CAMTA1: variants seen among roughly 807,000 people sequenced by gnomAD.
The protein encoded by CAMTA1 is calmodulin binding transcription activator 1.
CAMTA1 carries 27 observed loss-of-function variants against 170.9 expected under a neutral mutation model. The ratio of observed to expected loss-of-function variants is 0.16; its 90% confidence interval spans 0.12 to 0.22. CAMTA1 has a LOEUF of 0.22. Among genes scored for constraint, CAMTA1 ranks in the 10% least tolerant of loss-of-function variants. The probability of loss-of-function intolerance (pLI) is 1.00; values close to 1 mark genes in which losing one functional copy is unlikely to be tolerated. For missense variants in CAMTA1, 1,619 were observed against 2,217.2 expected, an observed-to-expected ratio of 0.73 and a Z score of 5.42; for synonymous variants, 833 against 891.5, an observed-to-expected ratio of 0.93 and a Z score of 1.17.
rs1218505951 is a variant in CAMTA1 at position 7,234,239 on chromosome 1, C to T, written c.303-15252C>T. ...AAGCTTCCTCTCCAAACCTGGGCCT[C>T]GCCACGCTCTCTACCGAAAGCCCTT... On this transcript the variant is annotated intron_variant, in intron 4 of 22. Coordinates refer to ENST00000303635, the MANE Select transcript of CAMTA1 (RefSeq NM_015215.4). This position sits in a 1 kb window ranked among gnomAD's most constrained non-coding sequence, Gnocchi z 5.0. 6.6e-6 allele frequency among the ~76,000 whole-genome samples: 1 copy of T among 152,164 alleles called. No homozygotes were observed. Among genetic ancestry groups the T allele is most frequent in the Non-Finnish European group, 1.5e-5 (1 of 68,020 alleles).
At chr1:6,951,367 T>C (rs1393758603) in intron 3 of CAMTA1, among the ~76,000 whole-genome samples, 2 of 152,144 alleles carry the variant, frequency 1.3e-5, no homozygotes, top group African/African-American at 4.8e-5. Context: ...AGCTCTCTCA[T>C]CTCTAAAATT....
intron 5 of CAMTA1, among the ~76,000 whole-genome samples, chr1:7,439,079 C>T (rs890676721): frequency 2.0e-5 from 3 of 152,116 alleles, no homozygotes; most frequent in Non-Finnish European, 4.4e-5. Context: ...GGCAGGTGGT[C>T]GGTGGGGGGC....
At chr1:7,036,177 G>A (rs1247794578) in intron 3 of CAMTA1, among the ~76,000 whole-genome samples, 1 of 152,166 alleles carries the variant, frequency 6.6e-6, no homozygotes, top group East Asian at 1.9e-4. Flanking sequence ...AAAATAAATT[G>A]GAGGATATCT....
At chr1:6,938,064 G>A (rs1685760580) in intron 3 of CAMTA1, among the ~76,000 whole-genome samples, 1 of 152,214 alleles carries the variant, frequency 6.6e-6, no homozygotes, top group African/African-American at 2.4e-5. Flanking sequence ...ACAGAACTAG[G>A]ACTTGAAGCC....
chr1:6,864,777 T>A lies in CAMTA1; in HGVS notation c.234+39567T>A, dbSNP rs147731378. Among the ~76,000 whole-genome samples the A allele has an allele frequency of 4.5e-3, 684 of 152,192 alleles. 8 individuals are homozygous for A. Among genetic ancestry groups the A allele is most frequent in the African/African-American group, 0.016 (668 of 41,522 alleles). On this transcript the variant is annotated intron_variant, in intron 3 of 22. Coordinates refer to ENST00000303635, the MANE Select transcript of CAMTA1 (RefSeq NM_015215.4). ...GTCCATGGGGCACTCTTGCTGGGTG[T>A]TTCTGGAGCATGCCACACTGTACCC...
chr1:7,116,645 T>A (rs1644344079), intron 4 of CAMTA1, among the ~76,000 whole-genome samples: 1 of 139,678 alleles, frequency 7.2e-6, no homozygotes, highest in Non-Finnish European at 1.6e-5. Flanking sequence ...AGTTTTCTTT[T>A]CTTTCTTTCT....
At chr1:7,447,067 G>A (rs1387728922) in intron 5 of CAMTA1, among the ~76,000 whole-genome samples, 1 of 152,104 alleles carries the variant, frequency 6.6e-6, no homozygotes, top group Non-Finnish European at 1.5e-5. Context: ...ACTGGAGGAT[G>A]CGGCTCCCAC....
At position 7,716,040 on chromosome 1, in the gene CAMTA1, A is replaced by C. The variant is rs115868143; in HGVS notation, c.2915-16408A>C. The stretch of plus-strand genomic sequence containing the variant: ...TTATAAAATTGTTTTGCTTTGTTTT[A>C]TTTTGTTTTTGAAACAGGGTCTCAC... On this transcript the variant is annotated intron_variant, in intron 11 of 22. Coordinates refer to ENST00000303635, the MANE Select transcript of CAMTA1 (RefSeq NM_015215.4). 6.2e-3 allele frequency among the ~76,000 whole-genome samples: 947 copies of C among 152,190 alleles called. 14 individuals carry two copies. Among genetic ancestry groups the C allele is most frequent in the African/African-American group, 0.022 (902 of 41,528 alleles).
chr1:7,255,481 C>T (rs1292970201), intron 5 of CAMTA1, among the ~76,000 whole-genome samples: 2 of 152,044 alleles, frequency 1.3e-5, no homozygotes, highest in African/African-American at 4.8e-5. Context: ...GTCTTAGCCT[C>T]ATAACTTCTG....
Position 7,337,594 on chromosome 1 carries a change from C to CGGTG in CAMTA1, c.438+87968_438+87969insGGTG, listed in dbSNP as rs1433145412. Among the ~76,000 whole-genome samples the CGGTG allele has an allele frequency of 9.6e-3, 1,444 of 149,940 alleles. 144 individuals are homozygous for CGGTG. Among genetic ancestry groups the CGGTG allele is most frequent in the African/African-American group, 0.017 (669 of 40,114 alleles). On this transcript the variant is annotated intron_variant, in intron 5 of 22. Transcript: ENST00000303635. ...GGGCCTCATCCAATCACAGTGTGGG[C>CGGTG]AGTGGGCCTCATCCAATCACAATGT...
At chr1:7,090,314 G>A (rs1264602780) in intron 3 of CAMTA1, among the ~76,000 whole-genome samples, 3 of 152,244 alleles carry the variant, frequency 2.0e-5, no homozygotes, top group Non-Finnish European at 4.4e-5. Context: ...TCGCCTCCAG[G>A]CAGAGGGGCT....
At chr1:7,465,268 T>C (rs1380856351) in intron 5 of CAMTA1, among the ~76,000 whole-genome samples, 1 of 152,142 alleles carries the variant, frequency 6.6e-6, no homozygotes, top group Non-Finnish European at 1.5e-5. Flanking sequence ...ATGGGTAAAT[T>C]AACCAAATAA....
intron 3 of CAMTA1, among the ~76,000 whole-genome samples, chr1:6,982,753 G>A (rs545091475): frequency 6.6e-6 from 1 of 152,146 alleles, no homozygotes; most frequent in Admixed American, 6.5e-5. Flanking sequence ...CACTCCACAG[G>A]GATCCTCGCT....
chr1:7,579,996 T>C (rs1261799573), intron 6 of CAMTA1, among the ~76,000 whole-genome samples: 2 of 152,248 alleles, frequency 1.3e-5, no homozygotes, highest in African/African-American at 4.8e-5. Context: ...CTCCATAAAC[T>C]TGGGGCAGCT....
intron 4 of CAMTA1, among the ~76,000 whole-genome samples, chr1:7,107,528 G>C (rs192564404): frequency 6.6e-6 from 1 of 152,122 alleles, no homozygotes; most frequent in Admixed American, 6.5e-5. Context: ...AATTGGTGGC[G>C]TTGACATAAA....
At position 7,271,565 on chromosome 1, in the gene CAMTA1, G is replaced by GAGATAGATAGATAGAT. The variant is rs138661434; in HGVS notation, c.438+21973_438+21988dup. Among the ~76,000 whole-genome samples the GAGATAGATAGATAGAT allele has an allele frequency of 3.7e-3, 531 of 142,850 alleles. 5 individuals are homozygous for GAGATAGATAGATAGAT. The highest frequency in any genetic ancestry group is 4.8e-3 in the Non-Finnish European group (317 of 65,744). The allele number at this position is 142,850 out of a possible 152,430, so 93.7% of individuals were successfully genotyped here. A position where few individuals can be genotyped will look rare whatever the true frequency, so the allele number is the denominator to read the frequency against. On this transcript the variant is annotated intron_variant, in intron 5 of 22. Coordinates refer to ENST00000303635, the MANE Select transcript of CAMTA1 (RefSeq NM_015215.4). ...TAAACTGTTAATTACACTGAGAAAA[G>GAGATAGATAGATAGAT]AGATAGATAGATAGATAGATAGATA...
chr1:7,439,722 A>C (rs1355969172), intron 5 of CAMTA1, among the ~76,000 whole-genome samples: 1 of 152,158 alleles, frequency 6.6e-6, no homozygotes, highest in Non-Finnish European at 1.5e-5. Flanking sequence ...ATGGGGAGGA[A>C]CGGAAGTGTG....
In CAMTA1 at chr1:7,704,737, C is replaced by T. The variant is rs1423430578; in HGVS notation, c.2914+27004C>T. Among the ~76,000 whole-genome samples the T allele has an allele frequency of 1.2e-4, 18 of 147,644 alleles. No individual in the cohort carries two copies. In the East Asian group the frequency reaches 2.8e-3, roughly 23 times the overall value. On this transcript the variant is annotated intron_variant, in intron 11 of 22. Transcript: ENST00000303635. ...GGGCAGTGGCGGGGAGACCGCGGTA[C>T]CCGGAGCCCCGCGAGTCGTTCCAGC...
At chr1:7,163,875 C>T (rs1402443887) in intron 4 of CAMTA1, among the ~76,000 whole-genome samples, 1 of 152,228 alleles carries the variant, frequency 6.6e-6, no homozygotes, top group Non-Finnish European at 1.5e-5. Context: ...CCTTATCAAG[C>T]TCTACCCTAA....
Sources: gnomAD v4.1 joint callset for allele counts (sites outside exome capture counted in the v4.1 genomes callset) on GRCh38, gnomAD v4.1.1 for gene constraint, Gnocchi (gnomAD v3.1) non-coding constraint, MANE v1.5 for transcripts, NCBI Gene and HGNC (gene_info 2026-07-23, HGNC 2026-07-21) for gene names.